CFAP299: variants seen among roughly 807,000 people sequenced by gnomAD.
CFAP299 encodes the protein cilia- and flagella-associated protein 299.
In CFAP299, 21 loss-of-function variants were observed where a neutral mutation model predicts 27.0. The ratio of observed to expected loss-of-function variants is 0.78; its 90% CI spans 0.55 to 1.12. The LOEUF (loss-of-function observed/expected upper bound fraction) is 1.12. CFAP299 is among the 50% of genes most tolerant of loss of function. The probability of loss-of-function intolerance (pLI) is 0.00; values close to 1 mark genes in which losing one functional copy is unlikely to be tolerated. For missense variants in CFAP299, 310 were observed against 276.6 expected (o/e 1.12, Z -0.86); for synonymous variants, 104 against 98.1 (o/e 1.06, Z -0.36).
At chr4:80,874,767 TAAATTTTGAGA>T (rs752802379) in intron 4 of CFAP299, among the ~76,000 whole-genome samples, 1 of 152,152 alleles carries the variant, frequency 6.6e-6, no homozygotes, top group Non-Finnish European at 1.5e-5. Flanking sequence ...ATAGCAATAT[TAAATTTTGAGA>T]AGCATGCCCT....
chr4:80,697,960 A>G (rs888481277), intron 3 of CFAP299, among the ~76,000 whole-genome samples: 2 of 152,252 alleles, frequency 1.3e-5, no homozygotes, highest in Non-Finnish European at 2.9e-5. Context: ...GAATTAATCA[A>G]TCAAACCAAG....
upstream of CFAP299, among the ~76,000 whole-genome samples, chr4:80,334,702 CA>C (rs765723909): frequency 6.6e-6 from 1 of 151,890 alleles, no homozygotes; most frequent in Non-Finnish European, 1.5e-5. Flanking sequence ...ATTAAACAAA[CA>C]AAAAAACAAG....
At chr4:80,841,175 C>T (rs141570882) in intron 3 of CFAP299, among the ~76,000 whole-genome samples, 1 of 152,218 alleles carries the variant, frequency 6.6e-6, no homozygotes, top group Admixed American at 6.6e-5. Flanking sequence ...TTAACCAGCA[C>T]TCATTTCACT....
In CFAP299 at chr4:80,916,252, A is replaced by AATATATATATATATATAT. The variant is rs10696316; in HGVS notation, c.477-28531_477-28514dup. ...ACTCTGGTCTGGGCAACTAGACTGA[A>AATATATATATATATATAT]ATATATATATATATATATATATATA... On this transcript the variant is annotated intron_variant, in intron 4 of 5. Transcript: ENST00000358105. Among the ~76,000 whole-genome samples, 64 of 60,942 alleles carry AATATATATATATATATAT rather than the reference A, an allele frequency of 1.1e-3. 1 individual carries two copies. The highest frequency in any genetic ancestry group is 1.5e-3 in the South Asian group (2 of 1,342). The allele number at this position is 60,942 out of a possible 152,430, so 40.0% of individuals were successfully genotyped here. A position where few individuals can be genotyped will look rare whatever the true frequency, so the allele number is the denominator to read the frequency against.
chr4:80,582,239 T>C (rs1224000720), intron 2 of CFAP299, among the ~76,000 whole-genome samples: 1 of 151,908 alleles, frequency 6.6e-6, no homozygotes, highest in African/African-American at 2.4e-5. Flanking sequence ...ATACTTCTTT[T>C]ATGAACTCCT....
chr4:80,863,826 T>TC (rs1295008422), intron 3 of CFAP299, among the ~76,000 whole-genome samples: 1 of 152,172 alleles, frequency 6.6e-6, no homozygotes, highest in African/African-American at 2.4e-5. Flanking sequence ...AAACATAGCA[T>TC]CATCATTTTT....
intron 3 of CFAP299, among the ~76,000 whole-genome samples, chr4:80,852,255 C>CAGAT (rs1231645834): frequency 6.6e-6 from 1 of 152,148 alleles, no homozygotes; most frequent in Non-Finnish European, 1.5e-5. Context: ...GAATCAGCGT[C>CAGAT]ATCTGAGAGC....
chr4:80,522,690 G>T (rs7683623), intron 2 of CFAP299, among the ~76,000 whole-genome samples: 30,781 of 151,884 alleles, frequency 0.2, 3,800 homozygotes, highest in African/African-American at 0.34. Context: ...TGTAAAATAG[G>T]GTCTAATTTC....
chr4:80,394,507 A>G (rs1189229109), intron 2 of CFAP299, among the ~76,000 whole-genome samples: 3 of 151,766 alleles, frequency 2.0e-5, no homozygotes, highest in Non-Finnish European at 4.4e-5. Context: ...TTCCTCCAAT[A>G]TCAAGAAGCT....
chr4:80,473,093 T>G (rs1730089104), intron 2 of CFAP299, among the ~76,000 whole-genome samples: 1 of 152,072 alleles, frequency 6.6e-6, no homozygotes, highest in Non-Finnish European at 1.5e-5. Context: ...GGCAAGCAAG[T>G]AGATCATTAC....
At chr4:80,916,309 T>G (rs1221242288) in intron 4 of CFAP299, among the ~76,000 whole-genome samples, 2 of 122,748 alleles carry the variant, frequency 1.6e-5, no homozygotes, top group East Asian at 4.7e-4. Flanking sequence ...CAGGTACAGA[T>G]CATCTGTTCC....
chr4:80,475,147 C>CCAGAA (rs1419327946), intron 2 of CFAP299, among the ~76,000 whole-genome samples: 1 of 151,914 alleles, frequency 6.6e-6, no homozygotes, highest in Non-Finnish European at 1.5e-5. Context: ...GGAGTGGAGG[C>CCAGAA]CAGAACAGTA....
intron 3 of CFAP299, among the ~76,000 whole-genome samples, chr4:80,764,889 G>A (rs7687305): frequency 0.054 from 8,208 of 152,094 alleles, 757 homozygotes; most frequent in African/African-American, 0.19. Flanking sequence ...GTTGAACGAC[G>A]AGAACACATG....
rs980004506 is a variant in CFAP299 at position 80,536,942 on chromosome 4, T to C, written c.243-46151T>C. ...AGAATGGGAGAATGGGAGAAAATGG[T>C]TGCAAACCATACATCTGACAAAGGA... On this transcript the variant is annotated intron_variant, in intron 2 of 5. Transcript: ENST00000358105. Among the ~76,000 whole-genome samples the C allele has an allele frequency of 2.0e-5, 3 of 152,016 alleles. No individual in the cohort carries two copies. In the East Asian group the frequency reaches 5.8e-4, roughly 29 times the overall value.
At chr4:80,743,171 G>A (rs373919598) in intron 3 of CFAP299, among the ~76,000 whole-genome samples, 2 of 151,924 alleles carry the variant, frequency 1.3e-5, no homozygotes, top group Admixed American at 6.6e-5. Context: ...CAAGGTGGGT[G>A]GACCACCTGA....
intron 3 of CFAP299, among the ~76,000 whole-genome samples, chr4:80,802,951 G>T (rs1414245044): frequency 2.0e-5 from 3 of 151,864 alleles, no homozygotes; most frequent in Non-Finnish European, 4.4e-5. Flanking sequence ...TAAAAGTCAG[G>T]GAAGCTCATA....
At chr4:80,432,802 G>A (rs2110079908) in intron 2 of CFAP299, among the ~76,000 whole-genome samples, 1 of 152,196 alleles carries the variant, frequency 6.6e-6, no homozygotes, top group South Asian at 2.1e-4. Flanking sequence ...GATTACAGGT[G>A]TGAGCCACCG....
intron 3 of CFAP299, among the ~76,000 whole-genome samples, chr4:80,602,067 G>A (rs916266187): frequency 4.6e-5 from 7 of 152,304 alleles, no homozygotes; most frequent in South Asian, 2.1e-4. Flanking sequence ...TCACAGAGTG[G>A]AGGGTAAGAA....
intron 2 of CFAP299, among the ~76,000 whole-genome samples, chr4:80,492,258 C>T (rs902909277): frequency 1.3e-5 from 2 of 152,174 alleles, no homozygotes; most frequent in South Asian, 2.1e-4. Context: ...ACCTTGGGCA[C>T]GTGTTCTCAG....
Sources: allele counts gnomAD v4.1 joint callset (sites outside exome capture counted in the v4.1 genomes callset), GRCh38; gene constraint gnomAD v4.1.1; transcripts MANE v1.5; gene names NCBI Gene and HGNC (gene_info 2026-07-23, HGNC 2026-07-21).